Variants in UNC5D observed in about 807,000 individuals in gnomAD.
The protein encoded by UNC5D is netrin receptor UNC5D.
UNC5D carries 39 observed loss-of-function variants against 105.4 expected under a neutral mutation model. The observed-to-expected ratio is 0.37, with a 90% CI of 0.29 to 0.48. The LOEUF is 0.48. UNC5D is among the 20% of genes least tolerant of loss of function. UNC5D has a pLI of 0.98. For synonymous variants in UNC5D, 452 were observed against 450.4 expected (o/e 1.00, Z -0.04); for missense variants, 991 against 1,202.4 (o/e 0.82, Z 2.60).
At chr8:35,732,357 G>A (rs1829235806) in intron 11 of UNC5D, among the ~76,000 whole-genome samples, 1 of 152,096 alleles carries the variant, frequency 6.6e-6, no homozygotes, top group South Asian at 2.1e-4. Flanking sequence ...TGCTATGTTG[G>A]GATCTCATGT....
At chr8:35,379,737 A>T (rs1802910078) in intron 1 of UNC5D, among the ~76,000 whole-genome samples, 1 of 152,080 alleles carries the variant, frequency 6.6e-6, no homozygotes, top group Non-Finnish European at 1.5e-5. Flanking sequence ...GCCAAAATTA[A>T]GGTTCATAGT....
In UNC5D at chr8:35,611,663, G is replaced by C. The variant is rs964966998; in HGVS notation, c.570+16006G>C. On this transcript the variant is annotated intron_variant, in intron 4 of 16. Transcript: ENST00000404895. ...CTTCATGAGCCCATCCTAATAGCTGGATGTATTAGAACATATTTGTCACTG... is the reference window on the plus strand; with the variant it reads ...CTTCATGAGCCCATCCTAATAGCTGCATGTATTAGAACATATTTGTCACTG... Among the ~76,000 whole-genome samples, 18 of 152,248 alleles carry C rather than the reference G, an allele frequency of 1.2e-4. No homozygotes were observed. The South Asian group carries it at 3.7e-3, about 32-fold the overall frequency.
intron 1 of UNC5D, among the ~76,000 whole-genome samples, chr8:35,498,657 T>C (rs975039566): frequency 7.9e-5 from 12 of 152,128 alleles, no homozygotes; most frequent in African/African-American, 2.7e-4. Flanking sequence ...ATTAGCCATA[T>C]TGATACATTT....
At position 35,795,001 on chromosome 8, in the gene UNC5D, G is replaced by A. The variant is rs1006368449; in HGVS notation, c.*4438G>A. ...CTACTCATTGCTTTTTCCTTTTGCT[G>A]TGAAGATCATGGATTGGGAATGTCC... On this transcript the variant is annotated 3_prime_UTR_variant, in exon 17 of 17. Coordinates refer to ENST00000404895, the MANE Select transcript of UNC5D (RefSeq NM_080872.4). 3 of 152,168 alleles carry A rather than the reference G, an allele frequency of 2.0e-5. No individual in the cohort carries two copies. The highest frequency in any genetic ancestry group is 2.9e-5 in the Non-Finnish European group (2 of 68,038). The allele number at this position is 152,168 out of a possible 1,614,324, so 9.4% of individuals were successfully genotyped here.
chr8:35,692,838 C>T (rs536432022), intron 7 of UNC5D, among the ~76,000 whole-genome samples: 2 of 152,324 alleles, frequency 1.3e-5, no homozygotes, highest in South Asian at 4.1e-4. Flanking sequence ...AGTAGGTGCT[C>T]CTTTTTACAC....
chr8:35,548,672 G>A (rs1054034961), intron 1 of UNC5D, among the ~76,000 whole-genome samples: 1 of 152,188 alleles, frequency 6.6e-6, no homozygotes, highest in Non-Finnish European at 1.5e-5. Flanking sequence ...CCAGCGGAAG[G>A]TTGCTGGGGG....
intron 6 of UNC5D, among the ~76,000 whole-genome samples, chr8:35,685,305 C>T (rs1303906276): frequency 6.6e-6 from 1 of 152,098 alleles, no homozygotes; most frequent in Non-Finnish European, 1.5e-5. Flanking sequence ...AAAAGAGATA[C>T]TTCATTTACC....
intron 1 of UNC5D, among the ~76,000 whole-genome samples, chr8:35,421,755 T>C (rs1805921090): frequency 6.6e-6 from 1 of 152,156 alleles, no homozygotes; most frequent in Non-Finnish European, 1.5e-5. Flanking sequence ...AAAATAGGAA[T>C]AGTAAACCCA....
intron 4 of UNC5D, among the ~76,000 whole-genome samples, chr8:35,661,955 TCTC>T (rs2131235405): frequency 6.6e-6 from 1 of 152,198 alleles, no homozygotes; most frequent in African/African-American, 2.4e-5. Context: ...TGGTGCTTCT[TCTC>T]CTGCCACTCC....
intron 2 of UNC5D, among the ~76,000 whole-genome samples, chr8:35,558,286 A>T (rs1816701135): frequency 6.6e-6 from 1 of 152,070 alleles, no homozygotes; most frequent in African/African-American, 2.4e-5. Flanking sequence ...ATGTCATAAA[A>T]CTTATGACAT....
At chr8:35,291,673 GT>G (rs1807078078) in intron 1 of UNC5D, among the ~76,000 whole-genome samples, 1 of 152,114 alleles carries the variant, frequency 6.6e-6, no homozygotes, top group African/African-American at 2.4e-5. Context: ...GGTGGATTGT[GT>G]GCCTTTAAGG....
intron 15 of UNC5D, among the ~76,000 whole-genome samples, chr8:35,772,610 G>A (rs992347948): frequency 6.6e-6 from 1 of 152,170 alleles, no homozygotes; most frequent in African/African-American, 2.4e-5. Context: ...GCTTCTTGGA[G>A]TTTAAACGTT....
chr8:35,629,178 T>C (rs1336064706), intron 4 of UNC5D, among the ~76,000 whole-genome samples: 1 of 152,146 alleles, frequency 6.6e-6, no homozygotes. Flanking sequence ...AGTCCAAGAG[T>C]AGAAAGCTAC....
chr8:35,592,365 G>A (rs919650468), intron 3 of UNC5D, among the ~76,000 whole-genome samples: 2 of 152,072 alleles, frequency 1.3e-5, no homozygotes, highest in African/African-American at 4.8e-5. Flanking sequence ...TCCTTCTCTT[G>A]TAGTATAATT....
chr8:35,420,815 T>A (rs1182707735), intron 1 of UNC5D, among the ~76,000 whole-genome samples: 1 of 152,052 alleles, frequency 6.6e-6, no homozygotes, highest in Non-Finnish European at 1.5e-5. Flanking sequence ...CTCTCATGCC[T>A]TAGTACAGAA....
chr8:35,796,132 AGGGCT>A lies in UNC5D; in HGVS notation c.*5571_*5575del, dbSNP rs1803242888. The A allele has an allele frequency of 2.6e-5, 4 of 152,208 alleles. No individual in the cohort carries two copies. Among genetic ancestry groups the A allele is most frequent in the African/African-American group, 7.2e-5 (3 of 41,450 alleles). 9.4% of individuals were successfully genotyped at this position (152,208 alleles called of 1,614,324 possible). ...GCCAAAAAATAAAATAAAATAAAGCAGGGCTGAACACTTAATTTGACATGAAGCTG... is the reference window on the plus strand; with the variant it reads ...GCCAAAAAATAAAATAAAATAAAGCAGAACACTTAATTTGACATGAAGCTG... On this transcript the variant is annotated 3_prime_UTR_variant, in exon 17 of 17. Coordinates refer to ENST00000404895, the MANE Select transcript of UNC5D (RefSeq NM_080872.4).
Position 35,684,716 on chromosome 8 carries a change from G to A in UNC5D, c.886G>A (p.Val296Met). 1 of 1,613,612 alleles carries A rather than the reference G, an allele frequency of 6.2e-7. No individual in the cohort carries two copies. Among genetic ancestry groups the A allele is most frequent in the Non-Finnish European group, 8.5e-7 (1 of 1,179,810 alleles). ...TGGGGCCTTTTGTGAGGGAATGTCAGTGCAGAAAATAACCTGCACTTCTCT... is the reference window on the plus strand; with the variant it reads ...TGGGGCCTTTTGTGAGGGAATGTCAATGCAGAAAATAACCTGCACTTCTCT... The part of the protein sequence containing the change: ...NGGAFCEGMS[V>M]QKITCTSLCP... Residue 296 changes from valine to methionine, a missense_variant, in exon 6 of 17, where the codon GTG becomes ATG. Physicochemically the swap from Val to Met is conservative, Grantham distance 21 (BLOSUM62 1). Coordinates refer to ENST00000404895, the MANE Select transcript of UNC5D (RefSeq NM_080872.4).
chr8:35,780,299 ATGCCTGACATGCTGTG>A (rs1278274028), intron 16 of UNC5D, among the ~76,000 whole-genome samples: 1 of 152,240 alleles, frequency 6.6e-6, no homozygotes, highest in Non-Finnish European at 1.5e-5. Flanking sequence ...CTCATATCTC[ATGCCTGACATGCTGTG>A]CTATAATTTG....
chr8:35,614,211 T>G (rs1209827352), intron 4 of UNC5D, among the ~76,000 whole-genome samples: 1 of 152,200 alleles, frequency 6.6e-6, no homozygotes, highest in Non-Finnish European at 1.5e-5. Flanking sequence ...TTCATTTGTT[T>G]CAAATGTGCT....
Sources: allele counts gnomAD v4.1 joint callset (sites outside exome capture counted in the v4.1 genomes callset), GRCh38; gene constraint gnomAD v4.1.1; transcripts MANE v1.5; gene names NCBI Gene and HGNC (gene_info 2026-07-23, HGNC 2026-07-21).